The following PAH variants were observed in gnomAD, a reference collection of about 807,000 sequenced individuals.
PAH encodes the protein phenylalanine hydroxylase.
Under a neutral mutation model 62.0 loss-of-function variants are expected in PAH, and 64 were observed. The observed-to-expected ratio is 1.03, with a 90% confidence interval of 0.84 to 1.27. The LOEUF (loss-of-function observed/expected upper bound fraction) is 1.27. Among genes scored for constraint, PAH ranks in the 50% most tolerant of loss-of-function variants. The pLI, the probability that PAH is intolerant of heterozygous loss-of-function variation, is 0.00. For synonymous variants in PAH, 195 were observed against 196.2 expected, an observed-to-expected ratio of 0.99 and a Z score of 0.05; for missense variants, 579 against 542.8, an observed-to-expected ratio of 1.07 and a Z score of -0.66.
chr12:102,855,880 CT>C (rs1433873487), intron 5 of PAH, among the ~76,000 whole-genome samples: 8 of 152,122 alleles, frequency 5.3e-5, no homozygotes, highest in East Asian at 3.9e-4. Context: ...TAGGCATGCA[CT>C]TATTGGGTTT....
chr12:102,924,753 C>G (rs1329788813), intron 1 of PAH, among the ~76,000 whole-genome samples: 2 of 152,142 alleles, frequency 1.3e-5, no homozygotes, highest in African/African-American at 4.8e-5. Flanking sequence ...TGTTCCTTGG[C>G]TGTGAAACTG....
At chr12:102,853,348 A>C in intron 6 of PAH, 1 of 322,696 alleles carries the variant, frequency 3.1e-6, no homozygotes, top group Non-Finnish European at 6.0e-6. Context: ...GGGAATTTGA[A>C]CCTCATTTCC....
intron 4 of PAH, among the ~76,000 whole-genome samples, chr12:102,874,481 C>T (rs895221287): frequency 3.3e-5 from 5 of 152,176 alleles, no homozygotes; most frequent in Admixed American, 6.5e-5. Flanking sequence ...TGATGTTACA[C>T]GGCCCTCTCC....
At chr12:102,859,291 G>T (rs1875600931) in intron 5 of PAH, among the ~76,000 whole-genome samples, 1 of 152,118 alleles carries the variant, frequency 6.6e-6, no homozygotes, top group African/African-American at 2.4e-5. Context: ...TTGAATCCCT[G>T]AATAGACCAA....
intron 12 of PAH, 118 bp from the exon 13 acceptor site, chr12:102,839,336 C>T (rs1874490402): frequency 2.1e-6 from 2 of 937,930 alleles, no homozygotes; most frequent in Admixed American, 1.8e-5. Context: ...TGGGTGCCAC[C>T]CCAACTTTCA....
chr12:102,941,755 G>A (rs181550401), intron 1 of PAH, among the ~76,000 whole-genome samples: 1 of 152,088 alleles, frequency 6.6e-6, no homozygotes, highest in East Asian at 1.9e-4. Flanking sequence ...TATATTCCTG[G>A]GATGCAATGT....
intron 1 of PAH, among the ~76,000 whole-genome samples, chr12:102,916,324 G>C (rs751083187): frequency 1.1e-4 from 17 of 152,100 alleles, no homozygotes; most frequent in Non-Finnish European, 1.2e-4. Context: ...CCTGGCCTGG[G>C]CTTTATGACT....
At chr12:102,866,764 T>C (rs1875992690) in intron 4 of PAH, 101 bp from the exon 5 acceptor site, 8 of 941,512 alleles carry the variant, frequency 8.5e-6, no homozygotes, top group African/African-American at 1.6e-5. Context: ...TGACAGTGCA[T>C]GTCTCCTTCC....
intron 5 of PAH, among the ~76,000 whole-genome samples, chr12:102,865,975 T>G (rs1875938703): frequency 6.6e-6 from 1 of 152,146 alleles, no homozygotes. Context: ...ATTTCTGTAG[T>G]TCCTTAAGAC....
chr12:102,921,826 G>C (rs111307062), upstream of PAH, among the ~76,000 whole-genome samples: 95 of 152,126 alleles, frequency 6.2e-4, no homozygotes, highest in African/African-American at 2.2e-3. Context: ...TTAACTTTCC[G>C]CTAGATATAT....
chr12:102,943,597 A>C (rs1879373755), intron 1 of PAH, among the ~76,000 whole-genome samples: 1 of 152,156 alleles, frequency 6.6e-6, no homozygotes, highest in Non-Finnish European at 1.5e-5. Flanking sequence ...TTCTACCATA[A>C]AGATACCCAC....
chr12:102,852,026 G>A, intron 7 of PAH: 2 of 452,802 alleles, frequency 4.4e-6, no homozygotes, highest in South Asian at 2.2e-5. Context: ...GGGGTACCAG[G>A]CAGAAGAGCT....
At chr12:102,880,865 T>C (rs544048220) in intron 3 of PAH, among the ~76,000 whole-genome samples, 2 of 152,090 alleles carry the variant, frequency 1.3e-5, no homozygotes, top group African/African-American at 4.8e-5. Context: ...TTTTAAATTC[T>C]TTTTAAAAAA....
intron 2 of PAH, among the ~76,000 whole-genome samples, chr12:102,898,994 A>C (rs1391685): frequency 0.24 from 37,145 of 152,086 alleles, 6,088 homozygotes; most frequent in African/African-American, 0.47. Context: ...CACAGAGGGG[A>C]CCCCACTAGG....
At chr12:102,894,969 G>A (rs1384841401) in intron 2 of PAH, 51 bp from the exon 3 acceptor site, 2 of 1,344,702 alleles carry the variant, frequency 1.5e-6, no homozygotes, top group Admixed American at 1.7e-5. Flanking sequence ...AACTAACGCA[G>A]GCCAAAGATG....
chr12:102,890,584 A>G (rs1430581504), intron 3 of PAH, among the ~76,000 whole-genome samples: 1 of 152,232 alleles, frequency 6.6e-6, no homozygotes, highest in Non-Finnish European at 1.5e-5. Context: ...ATCTGAAGAA[A>G]TAAGGGTCAC....
intron 5 of PAH, among the ~76,000 whole-genome samples, chr12:102,863,156 G>A (rs1875806712): frequency 6.6e-6 from 1 of 152,134 alleles, no homozygotes; most frequent in African/African-American, 2.4e-5. Flanking sequence ...ATAAGTACCT[G>A]TATGGTGTGG....
upstream of PAH, among the ~76,000 whole-genome samples, chr12:102,919,208 T>C (rs1878495473): frequency 6.6e-6 from 1 of 152,212 alleles, no homozygotes; most frequent in African/African-American, 2.4e-5. Flanking sequence ...TGCTTTCCTG[T>C]TTGAAATGAG....
At chr12:102,840,372 G>C (rs1362749906) in intron 12 of PAH, 28 bp downstream of exon 12, 2 of 1,311,356 alleles carry the variant, frequency 1.5e-6, no homozygotes, top group South Asian at 2.4e-5. Flanking sequence ...GAGAAACCGA[G>C]TGGCCTCGTA....
Sources: gnomAD v4.1 joint callset for allele counts (sites outside exome capture counted in the v4.1 genomes callset) on GRCh38, gnomAD v4.1.1 for gene constraint, MANE v1.5 for transcripts, NCBI Gene and HGNC (gene_info 2026-07-23, HGNC 2026-07-21) for gene names.